NOTCH1: variants seen among roughly 807,000 people sequenced by gnomAD.
The protein encoded by NOTCH1 is neurogenic locus notch homolog protein 1.
In NOTCH1, 37 loss-of-function variants were observed where a neutral mutation model predicts 254.8. The observed-to-expected ratio is 0.15, with a 90% CI of 0.11 to 0.19. NOTCH1 has a LOEUF of 0.19. Among genes scored for constraint, NOTCH1 ranks in the 10% least tolerant of loss-of-function variants. NOTCH1 has a pLI of 1.00. For synonymous variants in NOTCH1, 1,731 were observed against 1,618.1 expected, an observed-to-expected ratio of 1.07 and a Z score of -1.68; for missense variants, 2,972 against 3,708.6, an observed-to-expected ratio of 0.80 and a Z score of 5.16.
At chr9:136,544,971 T>C (rs1320900190) in intron 1 of NOTCH1, among the ~76,000 whole-genome samples, 1 of 152,054 alleles carries the variant, frequency 6.6e-6, no homozygotes, top group East Asian at 1.9e-4. Context: ...CGCCTCCAAC[T>C]CTCGGAGAAA....
At chr9:136,538,787 G>A (rs1164502962) in intron 2 of NOTCH1, among the ~76,000 whole-genome samples, 1 of 152,242 alleles carries the variant, frequency 6.6e-6, no homozygotes, top group Non-Finnish European at 1.5e-5. Context: ...CGTCTGCCAG[G>A]GCTTTTACGA....
intron 2 of NOTCH1, 35 bp from the exon 3 acceptor site, chr9:136,524,014 C>G (rs1450436799): frequency 6.5e-7 from 1 of 1,536,846 alleles, no homozygotes; most frequent in Non-Finnish European, 8.7e-7. Context: ...TTAGTTCCCA[C>G]CTGCTTCCCC....
chr9:136,527,809 G>T (rs1417252692), intron 2 of NOTCH1, among the ~76,000 whole-genome samples: 1 of 152,184 alleles, frequency 6.6e-6, no homozygotes, highest in Non-Finnish European at 1.5e-5. Context: ...CCCCGCAGGT[G>T]AGCGGCGGGC....
Position 136,523,972 on chromosome 9 carries a change from C to A in NOTCH1, c.148G>T (p.Gly50Trp). The A allele has an allele frequency of 6.4e-7, 1 of 1,555,834 alleles. No homozygotes were observed. Residue 50 changes from glycine (G) to tryptophan (W), a missense_variant, in exon 3 of 34, where the codon GGG becomes TGG. Transcript: ENST00000651671. ...TGGCATCGCGGGCCCACGAAGGCCC[C>A]GCCACAGCTGTTGGCAGATGTGCCA... ...ANGTEACVCGGAFVGPRCQDP... is the reference protein window; with the variant it reads ...ANGTEACVCGWAFVGPRCQDP...
chr9:136,507,162 CTG>C (rs1843101926), intron 22 of NOTCH1, 141 bp downstream of exon 22: 3 of 1,502,104 alleles, frequency 2.0e-6, no homozygotes, highest in Non-Finnish European at 2.7e-6. Flanking sequence ...CCCTGGGCAG[CTG>C]TGAGTCGGCC....
rs10125481 is a variant in NOTCH1 at position 136,504,604 on chromosome 9, G to A, written c.5018+69C>T. ...CTTGCCATGGCGCCGGCCGTGAGGG[G>A]CAGGGAGGCCGTCGGGGAGGGCCCA... is the stretch of plus-strand genomic sequence containing the variant. On this transcript the variant is annotated intron_variant, in intron 26 of 33. Transcript: ENST00000651671. The A allele has an allele frequency of 3.1e-3, 4,382 of 1,415,436 alleles. 76 individuals carry two copies. In the African/African-American group the frequency reaches 0.044, roughly 14 times the overall value. 87.7% of individuals were successfully genotyped at this position (1,415,436 alleles called of 1,614,324 possible).
Position 136,494,955 on chromosome 9 carries a change from G to C in NOTCH1, c.*1116C>G, listed in dbSNP as rs370863394. On this transcript the variant is annotated 3_prime_UTR_variant, in exon 34 of 34. Transcript: ENST00000651671. Reference sequence around the variant, plus strand: ...CGCATGCCCCCTGCCAGGGCTGCGGGGACAGGACCAAAGGACGCAGCCCAC... The same window carrying C: ...CGCATGCCCCCTGCCAGGGCTGCGGCGACAGGACCAAAGGACGCAGCCCAC... The C allele has an allele frequency of 5.0e-6, 2 of 398,854 alleles. No individual in the cohort carries two copies. 24.7% of individuals were successfully genotyped at this position (398,854 alleles called of 1,614,324 possible).
intron 2 of NOTCH1, among the ~76,000 whole-genome samples, chr9:136,541,947 G>T (rs571069703): frequency 6.6e-6 from 1 of 152,266 alleles, no homozygotes; most frequent in African/African-American, 2.4e-5. Flanking sequence ...CCAAGAAGGA[G>T]GGGGCGCCAG....
chr9:136,504,938 G>A lies in NOTCH1; in HGVS notation c.4753C>T (p.Leu1585=), dbSNP rs997208051. Residue 1585 remains leucine, a synonymous_variant, in exon 26 of 34, where the codon CTG becomes TTG. Coordinates refer to ENST00000651671, the MANE Select transcript of NOTCH1 (RefSeq NM_017617.5). ...AGGAAGTGGAAGGAGCTGTTGCGCA[G>A]CTGCTCCGGCGGCATCAGCACCACC... The part of the protein sequence containing the change: ...VVVVLMPPEQ[L]RNSSFHFLRE... 1.6e-5 allele frequency: 25 copies of A among 1,587,392 alleles called. No homozygotes were observed. The Admixed American group carries it at 1.9e-4, about 12-fold the overall frequency.
At chr9:136,518,412 G>T in intron 6 of NOTCH1, 120 bp from the exon 7 acceptor site, 1 of 1,376,304 alleles carries the variant, frequency 7.3e-7, no homozygotes. Flanking sequence ...ACCCCGTCGG[G>T]CATCCCGTGA....
chr9:136,502,553 G>A, intron 27 of NOTCH1, 65 bp from the exon 28 acceptor site: 1 of 1,103,708 alleles, frequency 9.1e-7, no homozygotes, highest in Non-Finnish European at 1.2e-6. Context: ...GCAGGCTGGT[G>A]GCCGGGGGGC....
rs1446708596 is a variant in NOTCH1 at position 136,501,757 on chromosome 9, G to A, written c.5629C>T (p.Arg1877Cys). ...CTGCTGGCACCCTTACCAGGCCCGC[G>A]GACATTGACGTCCATGCAGTCGGCG... ...VDADCMDVNV[R>C]GPDGFTPLMI... Residue 1877 changes from arginine (R) to cysteine (C), a missense_variant, in exon 30 of 34, where the codon CGC becomes TGC. Transcript: ENST00000651671. 7.4e-6 allele frequency: 12 copies of A among 1,611,632 alleles called. No individual in the cohort carries two copies. The highest frequency in any genetic ancestry group is 4.5e-5 in the East Asian group (2 of 44,880).
chr9:136,516,799 C>T (rs2133366452), intron 9 of NOTCH1, among the ~76,000 whole-genome samples: 2 of 152,312 alleles, frequency 1.3e-5, no homozygotes, highest in Admixed American at 1.3e-4. Context: ...TGGGCAAGCT[C>T]CCACTCCCCA....
chr9:136,530,409 G>C (rs117670131), intron 2 of NOTCH1, among the ~76,000 whole-genome samples: 11,632 of 152,296 alleles, frequency 0.076, 577 homozygotes, highest in Non-Finnish European at 0.1. Flanking sequence ...TCCCGCAGCC[G>C]GGAAAACAAT....
chr9:136,504,743 C>G lies in NOTCH1; in HGVS notation c.4948G>C (p.Ala1650Pro). 6.5e-7 allele frequency: 1 copy of G among 1,546,486 alleles called. No homozygotes were observed. Among genetic ancestry groups the G allele is most frequent in the South Asian group, 1.2e-5 (1 of 83,962 alleles). Residue 1650 changes from alanine (A) to proline (P), a missense_variant, in exon 26 of 34, where the codon GCC (alanine) becomes CCC (proline). By Grantham distance (27) the Ala-to-Pro change is conservative. This residue lies in a region of NOTCH1 where 1,343 missense variants were observed against 1,557.0 expected (regional missense o/e 0.86). Coordinates refer to ENST00000651671, the MANE Select transcript of NOTCH1 (RefSeq NM_017617.5). ...APDALLGQVKASLLPGGSEGG... is the reference protein window; with the variant it reads ...APDALLGQVKPSLLPGGSEGG... ...TCGCTGCCACCAGGGAGCAGCGAGG[C>G]CTTCACCTGGCCCAGCAGGGCGTCA...
rs1183355532 is a variant in NOTCH1, at chr9:136,504,772, G to A, written c.4919C>T (p.Ala1640Val). The part of the protein sequence containing the change: ...PIKRAAEGWA[A>V]PDALLGQVKA... The stretch of plus-strand genomic sequence containing the variant: ...CACCTGGCCCAGCAGGGCGTCAGGT[G>A]CGGCCCAGCCCTCGGCGGCACGCTT... Residue 1640 changes from alanine to valine, a missense_variant, in exon 26 of 34, where the codon GCA (alanine) becomes GTA (valine). Physicochemically the swap from Ala to Val is moderately conservative, Grantham distance 64. Around this residue, in one of 8 missense-constraint regions of NOTCH1, gnomAD observed 1,343 missense variants for 1,557.0 expected, o/e 0.86. Coordinates refer to ENST00000651671, the MANE Select transcript of NOTCH1 (RefSeq NM_017617.5). 4 of 1,551,880 alleles carry A rather than the reference G, an allele frequency of 2.6e-6. No individual in the cohort carries two copies. The highest frequency in any genetic ancestry group is 3.5e-6 in the Non-Finnish European group (4 of 1,148,170).
rs2133339940 is a variant in NOTCH1 at position 136,505,603 on chromosome 9, G to A, written c.4293C>T (p.Ser1431=). 2 of 1,611,424 alleles carry A rather than the reference G, an allele frequency of 1.2e-6. No homozygotes were observed. The highest frequency in any genetic ancestry group is 1.7e-6 in the Non-Finnish European group (2 of 1,179,248). ...TGTCGCGCCCGGCCCCACCCCCGAA[G>A]CTGTAGTCCAGGATGTGGCACAAGA... The part of the protein sequence containing the change: ...NGLLCHILDY[S]FGGGAGRDIP... Residue 1431 remains serine (S), a synonymous_variant, in exon 25 of 34, where the codon AGC becomes AGT. Coordinates refer to ENST00000651671, the MANE Select transcript of NOTCH1 (RefSeq NM_017617.5).
chr9:136,518,943 AC>A, intron 5 of NOTCH1, 119 bp from the exon 6 acceptor site: 1 of 789,046 alleles, frequency 1.3e-6, no homozygotes, highest in Non-Finnish European at 2.2e-6. Context: ...TGACTCCTCC[AC>A]CCACCGCCAG....
chr9:136,504,393 A>G (rs1300301031), intron 26 of NOTCH1, among the ~76,000 whole-genome samples: 1 of 152,154 alleles, frequency 6.6e-6, no homozygotes, highest in Non-Finnish European at 1.5e-5. Flanking sequence ...CTCAATCTCA[A>G]AATCACCTAC....
Sources: gnomAD v4.1 joint callset for allele counts (sites outside exome capture counted in the v4.1 genomes callset) on GRCh38, gnomAD v4.1.1 for gene constraint, gnomAD v4.1.1 regional missense constraint, MANE v1.5 for transcripts, NCBI Gene and HGNC (gene_info 2026-07-23, HGNC 2026-07-21) for gene names.